Variants in STAG1 observed in about 807,000 individuals in gnomAD.
STAG1 encodes the protein cohesin subunit SA-1.
A neutral mutation model predicts 170.9 loss-of-function variants in STAG1; 26 were observed. The ratio of observed to expected loss-of-function variants is 0.15; its 90% CI spans 0.11 to 0.21. The LOEUF (loss-of-function observed/expected upper bound fraction) is 0.21, where lower values mean the gene tolerates loss of function less well. Among genes scored for constraint, STAG1 ranks in the 10% least tolerant of loss-of-function variants. The pLI is 1.00. For missense variants in STAG1, 964 were observed against 1,509.5 expected, an observed-to-expected ratio of 0.64 and a Z score of 5.99; for synonymous variants, 514 against 497.7, an observed-to-expected ratio of 1.03 and a Z score of -0.44.
chr3:136,584,116 A>C (rs919023994), intron 4 of STAG1, among the ~76,000 whole-genome samples: 2 of 152,228 alleles, frequency 1.3e-5, no homozygotes, highest in African/African-American at 4.8e-5. Flanking sequence ...TATCACCAAC[A>C]ATCGTTAAAA....
At chr3:136,467,465 T>C (rs918720953) in intron 12 of STAG1, among the ~76,000 whole-genome samples, 5 of 152,130 alleles carry the variant, frequency 3.3e-5, no homozygotes, top group Non-Finnish European at 7.4e-5. Context: ...CTAACTATCC[T>C]AAATATATAT....
intron 4 of STAG1, among the ~76,000 whole-genome samples, chr3:136,580,635 G>A (rs1327091862): frequency 6.9e-6 from 1 of 145,350 alleles, no homozygotes; most frequent in Admixed American, 7.1e-5. Flanking sequence ...CCGGGTTCAC[G>A]CCATTCTCCT....
chr3:136,737,183 T>C, intron 1 of STAG1: 1 of 732,314 alleles, frequency 1.4e-6, no homozygotes, highest in Non-Finnish European at 2.5e-6. Context: ...AGGTCATAAA[T>C]GCTGCCTCCG....
intron 6 of STAG1, among the ~76,000 whole-genome samples, chr3:136,531,661 CA>C (rs1458816172): frequency 3.9e-4 from 57 of 148,000 alleles, no homozygotes; most frequent in South Asian, 1.7e-3. Context: ...ATCGCAAGAA[CA>C]AAAAACCAAA....
intron 1 of STAG1, among the ~76,000 whole-genome samples, chr3:136,682,124 A>G (rs1169206078): frequency 6.6e-6 from 1 of 152,128 alleles, no homozygotes; most frequent in Non-Finnish European, 1.5e-5. Flanking sequence ...ATGTGAAAAT[A>G]TAAGAAATCT....
chr3:136,727,162 GTA>G (rs10565436), intron 1 of STAG1, among the ~76,000 whole-genome samples: 14,331 of 152,050 alleles, frequency 0.094, 2,188 homozygotes, highest in African/African-American at 0.33. Flanking sequence ...TGTCTCTCAT[GTA>G]AGAATAAATA....
chr3:136,595,388 T>C (rs1418593788), intron 4 of STAG1, among the ~76,000 whole-genome samples: 7 of 152,120 alleles, frequency 4.6e-5, no homozygotes, highest in Non-Finnish European at 7.3e-5. Flanking sequence ...GCCTGAATAT[T>C]TGCACAATCT....
intron 28 of STAG1, among the ~76,000 whole-genome samples, chr3:136,353,987 T>C (rs376095191): frequency 3.3e-5 from 5 of 152,298 alleles, no homozygotes; most frequent in South Asian, 4.1e-4. Context: ...AAAGAGAAGC[T>C]GTATTTGAAT....
rs190443824 is a variant in STAG1 at position 136,555,460 on chromosome 3, G to T, written c.395-13265C>A. On this transcript the variant is annotated intron_variant, in intron 5 of 33. Transcript: ENST00000383202. ...GCACTTTGGGAGGCTAAGGCAAGCA[G>T]ATCACTGGAGGTCAGGAGTTTGAGA... Among the ~76,000 whole-genome samples the T allele has an allele frequency of 3.5e-3, 526 of 152,176 alleles. 4 individuals are homozygous for T. The highest frequency in any genetic ancestry group is 6.3e-3 in the Non-Finnish European group (430 of 68,018).
chr3:136,530,173 CAAT>C (rs1021303541), intron 6 of STAG1, among the ~76,000 whole-genome samples: 21 of 152,172 alleles, frequency 1.4e-4, no homozygotes, highest in East Asian at 9.7e-4. Context: ...ATTAATTCAA[CAAT>C]AATAATTAAT....
At chr3:136,650,899 C>T (rs534319578) in intron 1 of STAG1, among the ~76,000 whole-genome samples, 1 of 141,248 alleles carries the variant, frequency 7.1e-6, no homozygotes, top group South Asian at 2.2e-4. Context: ...AAAGTATACA[C>T]ACAAGAGAAT....
rs776610722 is a variant in STAG1 at position 136,500,210 on chromosome 3, TAA to T, written c.902+11_902+12del. The T allele has an allele frequency of 1.3e-6, 2 of 1,496,352 alleles. No homozygotes were observed. The highest frequency in any genetic ancestry group is 1.8e-6 in the Non-Finnish European group (2 of 1,088,852). The allele number at this position is 1,496,352 out of a possible 1,614,324, so 92.7% of individuals were successfully genotyped here. A position where few individuals can be genotyped will look rare whatever the true frequency, so the allele number is the denominator to read the frequency against. On this transcript the variant is annotated intron_variant, in intron 9 of 33. Transcript: ENST00000383202. ...AGTGAAAAGCCTTCAAAATTATTTT[TAA>T]AATCTCTTACCGGTATCTATGAACA...
chr3:136,526,291 A>C (rs187420108), intron 6 of STAG1, among the ~76,000 whole-genome samples: 11 of 152,088 alleles, frequency 7.2e-5, no homozygotes, highest in East Asian at 3.9e-4. Context: ...GTATTGGGTG[A>C]ATATATATTT....
intron 6 of STAG1, among the ~76,000 whole-genome samples, chr3:136,531,558 C>T (rs1935368218): frequency 6.6e-6 from 1 of 151,540 alleles, no homozygotes; most frequent in Non-Finnish European, 1.5e-5. Context: ...GGCACATATA[C>T]ACCATGGAAT....
At chr3:136,479,062 T>C (rs1238056968) in intron 9 of STAG1, among the ~76,000 whole-genome samples, 1 of 58,360 alleles carries the variant, frequency 1.7e-5, no homozygotes, top group Non-Finnish European at 3.5e-5. Flanking sequence ...TAATCTTTCT[T>C]TTTTTTTTTT....
intron 22 of STAG1, among the ~76,000 whole-genome samples, chr3:136,394,925 C>G (rs971004111): frequency 1.5e-5 from 2 of 136,774 alleles, no homozygotes; most frequent in Admixed American, 1.6e-4. Context: ...TGCACTCTAG[C>G]GAGACTCTGT....
chr3:136,464,814 C>G (rs1576493839), intron 13 of STAG1, 67 bp downstream of exon 13: 5 of 1,364,286 alleles, frequency 3.7e-6, no homozygotes, highest in Non-Finnish European at 4.1e-6. Flanking sequence ...CTCTCTTCTA[C>G]AAACTCTAAA....
At chr3:136,734,017 G>A (rs567044762) in intron 1 of STAG1, among the ~76,000 whole-genome samples, 8 of 150,502 alleles carry the variant, frequency 5.3e-5, no homozygotes, top group Admixed American at 4.0e-4. Flanking sequence ...TGAGGCAGGA[G>A]AATGGCGTGA....
chr3:136,477,066 G>T (rs930738233), intron 10 of STAG1, among the ~76,000 whole-genome samples: 3 of 152,096 alleles, frequency 2.0e-5, no homozygotes, highest in Admixed American at 2.0e-4. Context: ...TGTCAAACTT[G>T]GTTCAAGACA....
Sources: allele counts gnomAD v4.1 joint callset (sites outside exome capture counted in the v4.1 genomes callset), GRCh38; gene constraint gnomAD v4.1.1; transcripts MANE v1.5; gene names NCBI Gene and HGNC (gene_info 2026-07-23, HGNC 2026-07-21).